HPN: variants seen among roughly 807,000 people sequenced by gnomAD.
HPN encodes serine protease hepsin.
Under a neutral mutation model 55.9 loss-of-function variants are expected in HPN, and 13 were observed. The observed-to-expected ratio is 0.23, with a 90% CI of 0.15 to 0.37. The LOEUF (loss-of-function observed/expected upper bound fraction) is 0.37. HPN is among the 10% of genes least tolerant of loss of function. The probability of loss-of-function intolerance (pLI) is 1.00; values close to 1 mark genes in which losing one functional copy is unlikely to be tolerated. For missense variants in HPN, 451 were observed against 575.8 expected (o/e 0.78, Z 2.22); for synonymous variants, 225 against 240.3 (o/e 0.94, Z 0.59).
At chr19:35,046,989 C>T (rs1028777082) in intron 2 of HPN, among the ~76,000 whole-genome samples, 14 of 152,094 alleles carry the variant, frequency 9.2e-5, no homozygotes, top group African/African-American at 3.4e-4. Context: ...CCACTGCGCC[C>T]GGCTAATTTT....
chr19:35,045,768 C>T (rs570291865), intron 2 of HPN, among the ~76,000 whole-genome samples: 26 of 149,274 alleles, frequency 1.7e-4, no homozygotes, highest in Admixed American at 1.2e-3. Context: ...CGTCCCACAC[C>T]GTGGGCCAGA....
intron 2 of HPN, among the ~76,000 whole-genome samples, chr19:35,048,179 A>G (rs1408940105): frequency 6.6e-6 from 1 of 152,182 alleles, no homozygotes; most frequent in Non-Finnish European, 1.5e-5. Flanking sequence ...TTTATAAAGC[A>G]TTTATAGAGA....
At chr19:35,049,853 TTTTG>T (rs200122048) in intron 4 of HPN, among the ~76,000 whole-genome samples, 19,478 of 131,166 alleles carry the variant, frequency 0.15, 1,130 homozygotes, top group East Asian at 0.2. Flanking sequence ...TTATGCTAAT[TTTTG>T]TTTGTTTTTT....
At chr19:35,050,027 A>G (rs2064387153) in intron 4 of HPN, among the ~76,000 whole-genome samples, 1 of 152,188 alleles carries the variant, frequency 6.6e-6, no homozygotes, top group African/African-American at 2.4e-5. Context: ...GGATGTAAAA[A>G]TGTGTTTCTT....
intron 4 of HPN, among the ~76,000 whole-genome samples, chr19:35,055,008 G>A: frequency 6.6e-6 from 1 of 152,130 alleles, no homozygotes; most frequent in African/African-American, 2.4e-5. Context: ...GGCCAGGCAG[G>A]AGGCTCTTGA....
chr19:35,064,672 C>T (rs1050828032), intron 9 of HPN, among the ~76,000 whole-genome samples: 3 of 152,018 alleles, frequency 2.0e-5, no homozygotes, highest in Non-Finnish European at 2.9e-5. Context: ...ACTTTGGACA[C>T]GTGACTTGGC....
rs779672765 is a variant in HPN at position 35,060,759 on chromosome 19, C to G, written c.753C>G (p.Ser251Arg). ...ATCTTCCCTTTCGGGACCCCAACAG[C>G]GAGGAGAACAGCAACGATATTGCCC... The part of the protein sequence containing the change: ...GGYLPFRDPN[S>R]EENSNDIALV... Residue 251 changes from serine (S) to arginine (R), a missense_variant, in exon 9 of 13, where the codon AGC (serine) becomes AGG (arginine). Ser to Arg is a moderately radical substitution (Grantham distance 110). Transcript: ENST00000672452. 2 of 1,612,648 alleles carry G rather than the reference C, an allele frequency of 1.2e-6. No individual in the cohort carries two copies. The highest frequency in any genetic ancestry group is 2.2e-5 in the South Asian group (2 of 90,858).
rs1600374756 is a variant in HPN, at chr19:35,042,434, C to G, written c.-54-19C>G. On this transcript the variant is annotated intron_variant, in intron 1 of 12. Coordinates refer to ENST00000672452, the MANE Select transcript of HPN (RefSeq NM_001384133.1). ...GCTGGGCTCCCCCAGGCCCTGCCTC[C>G]CCGTCCATCTCCTCACAGGTCCCAC... The G allele has an allele frequency of 6.4e-7, 1 of 1,555,154 alleles. No individual in the cohort carries two copies. Among genetic ancestry groups the G allele is most frequent in the South Asian group, 1.2e-5 (1 of 83,316 alleles).
intron 4 of HPN, among the ~76,000 whole-genome samples, chr19:35,051,296 G>A (rs933742985): frequency 2.4e-4 from 37 of 151,506 alleles, no homozygotes; most frequent in Non-Finnish European, 4.6e-4. Flanking sequence ...TTTAGTAGAG[G>A]CGGGGTTTCA....
intron 2 of HPN, among the ~76,000 whole-genome samples, chr19:35,048,118 T>G (rs1282223735): frequency 6.7e-6 from 1 of 149,482 alleles, no homozygotes; most frequent in African/African-American, 2.5e-5. Flanking sequence ...AAACTGAGGC[T>G]GAGGCTCAGA....
rs769316154 is a variant in HPN at position 35,065,364 on chromosome 19, C to A, written c.907+19C>A. 6 of 1,601,232 alleles carry A rather than the reference C, an allele frequency of 3.7e-6. No homozygotes were observed. ...TACTATGGTGAGTCCTGTCCTCTGC[C>A]TCTGATGCCACCGTTTGGGAGACTC... On this transcript the variant is annotated intron_variant, in intron 10 of 12. Transcript: ENST00000672452.
chr19:35,048,082 A>AAGAAAGAAAGAAAGAAGG (rs111546288), intron 2 of HPN, among the ~76,000 whole-genome samples: 2 of 96,984 alleles, frequency 2.1e-5, no homozygotes, highest in Non-Finnish European at 4.2e-5. Context: ...GAAAGAAAGA[A>AAGAAAGAAAGAAAGAAGG]AAGGAAGGAA....
rs1332675721 is a variant in HPN, at chr19:35,066,372, T to A, written c.*85T>A. The A allele has an allele frequency of 3.3e-6, 5 of 1,523,728 alleles. No individual in the cohort carries two copies. In the African/African-American group the frequency reaches 6.9e-5, roughly 21 times the overall value. The allele number at this position is 1,523,728 out of a possible 1,614,324, so 94.4% of individuals were successfully genotyped here. A position where few individuals can be genotyped will look rare whatever the true frequency, so the allele number is the denominator to read the frequency against. On this transcript the variant is annotated 3_prime_UTR_variant, in exon 13 of 13. Transcript: ENST00000672452. ...CGCTGGGCCTAGGATGGGACGTTTT[T>A]CTTCTTGGGCCCGGTCCACAGGTCC... is the stretch of plus-strand genomic sequence containing the variant.
chr19:35,044,609 T>G (rs144106766), intron 2 of HPN, among the ~76,000 whole-genome samples: 54 of 152,270 alleles, frequency 3.5e-4, no homozygotes, highest in African/African-American at 1.3e-3. Context: ...TTTGGGTTGC[T>G]TTTTGGAAGC....
Position 35,049,458 on chromosome 19 carries a change from C to T in HPN, c.119-17C>T. The T allele has an allele frequency of 6.2e-7, 1 of 1,612,994 alleles. No individual in the cohort carries two copies. The highest frequency in any genetic ancestry group is 2.2e-5 in the East Asian group (1 of 44,848). On this transcript the variant is annotated splice_polypyrimidine_tract_variant and intron_variant, in intron 3 of 12. Coordinates refer to ENST00000672452, the MANE Select transcript of HPN (RefSeq NM_001384133.1). ...CAGCCTCCAGCCTGCCTGCCCTCACCCCTCCCTTCTCTGCAGTGGCTGTTC... is the reference window on the plus strand; with the variant it reads ...CAGCCTCCAGCCTGCCTGCCCTCACTCCTCCCTTCTCTGCAGTGGCTGTTC...
intron 4 of HPN, among the ~76,000 whole-genome samples, chr19:35,050,888 T>C (rs998715349): frequency 1.4e-5 from 2 of 147,918 alleles, no homozygotes; most frequent in African/African-American, 5.0e-5. Context: ...TTTTCTTTTC[T>C]TTTTTTTTTC....
intron 10 of HPN, 80 bp downstream of exon 10, chr19:35,065,425 G>C: frequency 1.3e-6 from 2 of 1,563,544 alleles, no homozygotes; most frequent in Non-Finnish European, 8.8e-7. Context: ...TGGCTGGTTG[G>C]ATGAGTCTTG....
intron 2 of HPN, among the ~76,000 whole-genome samples, chr19:35,045,893 A>G (rs2151753591): frequency 6.6e-6 from 1 of 152,258 alleles, no homozygotes; most frequent in South Asian, 2.1e-4. Flanking sequence ...CCTCTGAACC[A>G]CACAGCATGG....
In HPN at chr19:35,050,914, C is replaced by T. The variant is rs796149583; in HGVS notation, c.160+1398C>T. ...TTTTTTTTTCTTTCTTTCTTTCTTT[C>T]TTTTTTTTTTTTTTTTTTTTGAGAT... On this transcript the variant is annotated intron_variant, in intron 4 of 12. Transcript: ENST00000672452. Among the ~76,000 whole-genome samples the T allele has an allele frequency of 3.9e-3, 355 of 90,434 alleles. 1 individual carries two copies. Among genetic ancestry groups the T allele is most frequent in the African/African-American group, 0.014 (320 of 22,818 alleles). The allele number at this position is 90,434 out of a possible 152,430, so 59.3% of individuals were successfully genotyped here.
Sources: gnomAD v4.1 joint callset for allele counts (sites outside exome capture counted in the v4.1 genomes callset) on GRCh38, gnomAD v4.1.1 for gene constraint, MANE v1.5 for transcripts, NCBI Gene and HGNC (gene_info 2026-07-23, HGNC 2026-07-21) for gene names.